MSR1: variants seen among roughly 807,000 people sequenced by gnomAD.
MSR1 encodes macrophage scavenger receptor 1.
In MSR1, 53 loss-of-function variants were observed where a neutral mutation model predicts 47.2. That is an observed-to-expected ratio of 1.12 (90% CI 0.90 to 1.41). The LOEUF (loss-of-function observed/expected upper bound fraction) is 1.41. MSR1 is among the 40% of genes most tolerant of loss of function. MSR1 has a pLI of 0.00. For missense variants in MSR1, 786 were observed against 546.9 expected, an observed-to-expected ratio of 1.44 and a Z score of -4.36; for synonymous variants, 239 against 185.6, an observed-to-expected ratio of 1.29 and a Z score of -2.34.
At chr8:16,133,076 T>G (rs1055273998) in intron 8 of MSR1, among the ~76,000 whole-genome samples, 1 of 152,182 alleles carries the variant, frequency 6.6e-6, no homozygotes, top group African/African-American at 2.4e-5. Flanking sequence ...ATTTATTGAT[T>G]TGCAAACTTT....
intron 4 of MSR1, among the ~76,000 whole-genome samples, chr8:16,165,665 G>C (rs1034333955): frequency 2.0e-5 from 3 of 152,010 alleles, no homozygotes; most frequent in Non-Finnish European, 2.9e-5. Context: ...CTTTAATCCA[G>C]AAGTAAAAAG....
At chr8:16,137,395 C>T (rs1800417124) in intron 8 of MSR1, among the ~76,000 whole-genome samples, 1 of 152,112 alleles carries the variant, frequency 6.6e-6, no homozygotes, top group South Asian at 2.1e-4. Flanking sequence ...TTCTAGAAAA[C>T]CAAACTGCTC....
At chr8:16,180,863 C>T (rs554457850) in intron 1 of MSR1, among the ~76,000 whole-genome samples, 117 of 152,256 alleles carry the variant, frequency 7.7e-4, no homozygotes, top group African/African-American at 2.7e-3. Flanking sequence ...CTATGTTGAT[C>T]TGACCAAGGA....
At chr8:16,154,637 T>G (rs1314837937) in intron 6 of MSR1, among the ~76,000 whole-genome samples, 6 of 151,992 alleles carry the variant, frequency 3.9e-5, no homozygotes, top group Non-Finnish European at 8.8e-5. Context: ...TGAGTTTTTA[T>G]GTCTTAAAAA....
chr8:16,158,510 C>A (rs1039811205), intron 5 of MSR1, among the ~76,000 whole-genome samples: 7 of 151,922 alleles, frequency 4.6e-5, no homozygotes, highest in African/African-American at 1.7e-4. Context: ...AGCGATGCTT[C>A]TCTAGTTTTT....
At chr8:16,178,085 G>T in intron 1 of MSR1, 93 bp from the exon 2 acceptor site, 1 of 965,124 alleles carries the variant, frequency 1.0e-6, no homozygotes, top group Admixed American at 2.1e-5. Context: ...AGTTTGAAAT[G>T]GAATCTATTC....
intron 8 of MSR1, among the ~76,000 whole-genome samples, chr8:16,121,818 C>G (rs970736308): frequency 2.0e-5 from 3 of 151,638 alleles, no homozygotes; most frequent in Non-Finnish European, 4.4e-5. Flanking sequence ...GTTTTTGGAG[C>G]TCAATTAATT....
intron 1 of MSR1, among the ~76,000 whole-genome samples, chr8:16,179,443 C>A (rs928313311): frequency 2.0e-5 from 3 of 152,164 alleles, no homozygotes; most frequent in Admixed American, 2.0e-4. Context: ...GATGCACATA[C>A]AAATTGTCAT....
chr8:16,152,731 C>A (rs1159930484), intron 6 of MSR1, among the ~76,000 whole-genome samples: 3 of 152,062 alleles, frequency 2.0e-5, no homozygotes, highest in Non-Finnish European at 2.9e-5. Flanking sequence ...TGGGTAAAAT[C>A]AGCCCCTTAA....
At chr8:16,166,671 A>G (rs1801320845) in intron 4 of MSR1, among the ~76,000 whole-genome samples, 1 of 151,864 alleles carries the variant, frequency 6.6e-6, no homozygotes, top group South Asian at 2.1e-4. Context: ...AGTCCTTTTC[A>G]CCTCTATGGA....
At chr8:16,154,961 C>T (rs1436756320) in intron 6 of MSR1, 103 bp downstream of exon 6, 4 of 948,970 alleles carry the variant, frequency 4.2e-6, no homozygotes, top group Admixed American at 3.8e-5. Flanking sequence ...CATACACATC[C>T]TCTGCAGGAT....
At chr8:16,142,227 C>G (rs1171794074) in intron 8 of MSR1, among the ~76,000 whole-genome samples, 3 of 152,048 alleles carry the variant, frequency 2.0e-5, no homozygotes, top group African/African-American at 7.2e-5. Context: ...ACTCAGGAGG[C>G]TGAGGTGGGA....
chr8:16,186,557 T>G lies in MSR1; in HGVS notation c.-5+6041A>C, dbSNP rs549478883. Reference sequence around the variant, plus strand: ...ACCCTGTTGCTTTGTTTTCAAACGCTATGTAGAAACTGAGGGCTTCTTGTC... The same window carrying G: ...ACCCTGTTGCTTTGTTTTCAAACGCGATGTAGAAACTGAGGGCTTCTTGTC... On this transcript the variant is annotated intron_variant, in intron 1 of 9. Transcript: ENST00000262101. Among the ~76,000 whole-genome samples the G allele has an allele frequency of 5.7e-4, 87 of 152,240 alleles. 2 individuals carry two copies. In the South Asian group the frequency reaches 0.017, roughly 29 times the overall value.
At chr8:16,140,267 C>T in intron 8 of MSR1, 3 of 983,752 alleles carry the variant, frequency 3.0e-6, no homozygotes, top group South Asian at 4.7e-5. Context: ...TAGAACAAGG[C>T]TCTGTCTCTT....
chr8:16,177,593 G>A (rs1311027327), intron 2 of MSR1, among the ~76,000 whole-genome samples: 2 of 151,996 alleles, frequency 1.3e-5, no homozygotes, highest in African/African-American at 2.4e-5. Flanking sequence ...TACCACCCAT[G>A]ATTTTCGAAT....
intron 1 of MSR1, among the ~76,000 whole-genome samples, chr8:16,182,560 T>A (rs1339099156): frequency 1.1e-5 from 1 of 87,810 alleles, no homozygotes; most frequent in Non-Finnish European, 2.0e-5. Flanking sequence ...CTATTTTAAC[T>A]TTTTTTTTTT....
chr8:16,141,480 G>T (rs1800555652), intron 8 of MSR1, among the ~76,000 whole-genome samples: 1 of 152,120 alleles, frequency 6.6e-6, no homozygotes, highest in Non-Finnish European at 1.5e-5. Flanking sequence ...GAGAAAAGAG[G>T]TAGTGACATA....
At chr8:16,171,715 A>C (rs937440243) in intron 3 of MSR1, among the ~76,000 whole-genome samples, 20 of 152,336 alleles carry the variant, frequency 1.3e-4, no homozygotes, top group African/African-American at 4.6e-4. Context: ...AAATTACTTC[A>C]AAATTTTCCT....
At chr8:16,179,109 GA>G (rs1288926088) in intron 1 of MSR1, among the ~76,000 whole-genome samples, 1 of 152,032 alleles carries the variant, frequency 6.6e-6, no homozygotes, top group East Asian at 1.9e-4. Context: ...TTTGAGTGTG[GA>G]AAAAGAGGTA....
Sources: allele counts gnomAD v4.1 joint callset (sites outside exome capture counted in the v4.1 genomes callset), GRCh38; gene constraint gnomAD v4.1.1; transcripts MANE v1.5; gene names NCBI Gene and HGNC (gene_info 2026-07-23, HGNC 2026-07-21).